GPC6: variants seen among roughly 807,000 people sequenced by gnomAD.
GPC6 encodes the protein glypican 6.
Under a neutral mutation model 55.2 loss-of-function variants are expected in GPC6, and 14 were observed. The ratio of observed to expected loss-of-function variants is 0.25; its 90% CI spans 0.17 to 0.40. The LOEUF (loss-of-function observed/expected upper bound fraction) is 0.40, where lower values mean the gene tolerates loss of function less well. GPC6 is among the 10% of genes least tolerant of loss of function. GPC6 has a pLI of 1.00. For synonymous variants in GPC6, 278 were observed against 259.6 expected (o/e 1.07, Z -0.68); for missense variants, 641 against 708.5 (o/e 0.90, Z 1.08).
chr13:93,837,428 G>T (rs1887780898), intron 3 of GPC6, among the ~76,000 whole-genome samples: 1 of 152,180 alleles, frequency 6.6e-6, no homozygotes, highest in South Asian at 2.1e-4. Context: ...TACAATCTGA[G>T]ATAGGTGGTT....
At chr13:94,299,072 A>G (rs959189713) in intron 5 of GPC6, among the ~76,000 whole-genome samples, 4 of 152,234 alleles carry the variant, frequency 2.6e-5, no homozygotes, top group African/African-American at 9.6e-5. Flanking sequence ...TCAAACACAT[A>G]TCATGTGCTG....
At chr13:93,631,511 C>T (rs7995407) in intron 2 of GPC6, among the ~76,000 whole-genome samples, 118,391 of 152,148 alleles carry the variant, frequency 0.78, 47,904 homozygotes, top group Non-Finnish European at 0.91. Flanking sequence ...TGTGATACTA[C>T]TTTTTATAGC....
At chr13:93,698,158 T>C (rs1408563443) in intron 2 of GPC6, among the ~76,000 whole-genome samples, 1 of 152,164 alleles carries the variant, frequency 6.6e-6, no homozygotes, top group East Asian at 1.9e-4. Context: ...GATTCTTTCT[T>C]CTTTTATTCA....
intron 2 of GPC6, among the ~76,000 whole-genome samples, chr13:93,562,746 G>A (rs1875877496): frequency 6.6e-6 from 1 of 152,100 alleles, no homozygotes; most frequent in Admixed American, 6.6e-5. Flanking sequence ...GATAATATTT[G>A]TTAAGTAATA....
chr13:93,852,704 A>C (rs541257131), intron 3 of GPC6, among the ~76,000 whole-genome samples: 1 of 151,612 alleles, frequency 6.6e-6, no homozygotes, highest in Admixed American at 6.6e-5. Flanking sequence ...TTGATTGTAC[A>C]TGGGAACTGA....
intron 3 of GPC6, among the ~76,000 whole-genome samples, chr13:93,939,547 C>G (rs930757332): frequency 2.6e-5 from 4 of 151,724 alleles, no homozygotes; most frequent in Non-Finnish European, 5.9e-5. Context: ...CTTAGAGTTA[C>G]GTTTTTTTTC....
intron 1 of GPC6, among the ~76,000 whole-genome samples, chr13:93,231,397 G>GTATA (rs71123471): frequency 0.05 from 2,180 of 44,010 alleles, 59 homozygotes; most frequent in South Asian, 0.069. Flanking sequence ...ATATATATAT[G>GTATA]TATATATATA....
chr13:93,266,140 C>T (rs1877317193), intron 1 of GPC6, among the ~76,000 whole-genome samples: 1 of 152,084 alleles, frequency 6.6e-6, no homozygotes. Context: ...GTCTGATTTC[C>T]AATAAGCAGG....
At chr13:93,299,711 G>T (rs1878609961) in intron 1 of GPC6, among the ~76,000 whole-genome samples, 1 of 152,182 alleles carries the variant, frequency 6.6e-6, no homozygotes, top group African/African-American at 2.4e-5. Flanking sequence ...AGTGTTATAT[G>T]CCAATGCCAC....
intron 2 of GPC6, among the ~76,000 whole-genome samples, chr13:93,572,137 G>C (rs1876436212): frequency 6.6e-6 from 1 of 152,096 alleles, no homozygotes. Context: ...ATGTGTACCA[G>C]ATTCAATTCA....
intron 2 of GPC6, among the ~76,000 whole-genome samples, chr13:93,588,701 T>A (rs949647527): frequency 6.6e-6 from 1 of 152,108 alleles, no homozygotes; most frequent in South Asian, 2.1e-4. Flanking sequence ...CCACACACTT[T>A]TAAATGACCA....
At chr13:94,328,760 C>T (rs750489822) in intron 6 of GPC6, among the ~76,000 whole-genome samples, 4 of 152,356 alleles carry the variant, frequency 2.6e-5, no homozygotes, top group African/African-American at 7.2e-5. Flanking sequence ...TGTTGCTCCA[C>T]GTCCGCTGGG....
intron 4 of GPC6, among the ~76,000 whole-genome samples, chr13:94,066,127 A>G (rs74111428): frequency 0.012 from 1,881 of 152,284 alleles, 37 homozygotes; most frequent in African/African-American, 0.042. Context: ...AATTTTGTGA[A>G]TAAAATTTTA....
intron 3 of GPC6, among the ~76,000 whole-genome samples, chr13:93,879,210 T>C (rs2140308167): frequency 6.6e-6 from 1 of 152,262 alleles, no homozygotes; most frequent in African/African-American, 2.4e-5. Flanking sequence ...CTTCTCTGTA[T>C]TGGTGATTTT....
intron 4 of GPC6, 95 bp from the exon 5 acceptor site, chr13:94,286,254 T>C: frequency 7.6e-7 from 1 of 1,317,898 alleles, no homozygotes; most frequent in Non-Finnish European, 1.1e-6. Flanking sequence ...AATGCACCAT[T>C]ATTTTTCATC....
At chr13:94,116,498 G>A (rs999640258) in intron 4 of GPC6, among the ~76,000 whole-genome samples, 4 of 152,066 alleles carry the variant, frequency 2.6e-5, no homozygotes, top group Non-Finnish European at 5.9e-5. Flanking sequence ...TGCATAAAAG[G>A]TGGGCAGGCT....
At chr13:94,196,592 A>G (rs1318194632) in intron 4 of GPC6, among the ~76,000 whole-genome samples, 1 of 152,160 alleles carries the variant, frequency 6.6e-6, no homozygotes, top group Non-Finnish European at 1.5e-5. Flanking sequence ...GCTACAGTAA[A>G]CCTGTCAAGT....
chr13:93,264,818 T>C (rs1877270129), intron 1 of GPC6, among the ~76,000 whole-genome samples: 1 of 152,162 alleles, frequency 6.6e-6, no homozygotes, highest in African/African-American at 2.4e-5. Flanking sequence ...TGTATTATCT[T>C]TTAATTTTAT....
At chr13:94,123,684 T>G (rs1275263906) in intron 4 of GPC6, among the ~76,000 whole-genome samples, 1 of 152,014 alleles carries the variant, frequency 6.6e-6, no homozygotes, top group South Asian at 2.1e-4. Context: ...TTTGTATGCA[T>G]GCACGCATAT....
Sources: allele counts gnomAD v4.1 joint callset (sites outside exome capture counted in the v4.1 genomes callset), GRCh38; gene constraint gnomAD v4.1.1; transcripts MANE v1.5; gene names NCBI Gene and HGNC (gene_info 2026-07-23, HGNC 2026-07-21).